Variants in ADAMTS17 observed in about 807,000 individuals in gnomAD.
ADAMTS17 encodes the protein A disintegrin and metalloproteinase with thrombospondin motifs 17.
ADAMTS17 carries 113 observed loss-of-function variants against 141.5 expected under a neutral mutation model. The observed-to-expected ratio is 0.80, with a 90% confidence interval of 0.69 to 0.93. ADAMTS17 has a LOEUF of 0.93. Ranked by LOEUF, ADAMTS17 falls within the 40% of genes least tolerant of loss-of-function variation. The pLI, the probability that ADAMTS17 is intolerant of heterozygous loss-of-function variation, is 0.00. For synonymous variants in ADAMTS17, 768 were observed against 630.6 expected (o/e 1.22, Z -3.27); for missense variants, 1,659 against 1,517.9 (o/e 1.09, Z -1.54).
intron 12 of ADAMTS17, among the ~76,000 whole-genome samples, chr15:100,120,834 G>C (rs553161154): frequency 6.6e-6 from 1 of 152,334 alleles, no homozygotes; most frequent in Non-Finnish European, 1.5e-5. Context: ...CAAAGAAACA[G>C]AAAGTATGGT....
chr15:100,287,499 T>C (rs900652758), intron 3 of ADAMTS17, among the ~76,000 whole-genome samples: 1 of 152,080 alleles, frequency 6.6e-6, no homozygotes, highest in African/African-American at 2.4e-5. Context: ...CCAACCTCAC[T>C]AGAGAGGACA....
chr15:100,049,333 T>C (rs1322873166), intron 17 of ADAMTS17, among the ~76,000 whole-genome samples: 1 of 152,206 alleles, frequency 6.6e-6, no homozygotes, highest in Non-Finnish European at 1.5e-5. Context: ...TTGTTTGATG[T>C]TTAAAGTCTA....
At chr15:100,033,901 C>T (rs2030441344) in intron 18 of ADAMTS17, among the ~76,000 whole-genome samples, 1 of 152,222 alleles carries the variant, frequency 6.6e-6, no homozygotes, top group African/African-American at 2.4e-5. Flanking sequence ...CCACGATCAC[C>T]TCCTTCCATT....
At chr15:100,169,113 G>A (rs1417321915) in intron 8 of ADAMTS17, among the ~76,000 whole-genome samples, 2 of 152,190 alleles carry the variant, frequency 1.3e-5, no homozygotes, top group Non-Finnish European at 2.9e-5. Context: ...GTCTGTGAAG[G>A]TTGCTACTCA....
At chr15:100,166,717 T>C (rs547761276) in intron 8 of ADAMTS17, among the ~76,000 whole-genome samples, 46 of 152,346 alleles carry the variant, frequency 3.0e-4, no homozygotes, top group African/African-American at 1.1e-3. Flanking sequence ...ATGAGGGGCA[T>C]GAACCAGGTG....
intron 7 of ADAMTS17, among the ~76,000 whole-genome samples, chr15:100,220,521 T>C (rs1022287275): frequency 1.3e-5 from 2 of 152,240 alleles, no homozygotes; most frequent in African/African-American, 4.8e-5. Context: ...TATTAGGATA[T>C]AATTCACACA....
At chr15:100,099,209 C>G (rs2035948240) in intron 14 of ADAMTS17, among the ~76,000 whole-genome samples, 1 of 152,170 alleles carries the variant, frequency 6.6e-6, no homozygotes, top group Non-Finnish European at 1.5e-5. Flanking sequence ...GTTCTGCCCA[C>G]TCTACTTGGT....
chr15:100,260,404 A>G (rs2043475226), intron 6 of ADAMTS17, among the ~76,000 whole-genome samples: 2 of 152,082 alleles, frequency 1.3e-5, no homozygotes, highest in Admixed American at 6.5e-5. Context: ...ACCTGAGGTC[A>G]GGGGTTCCAG....
chr15:100,200,544 C>G (rs2041288957), intron 7 of ADAMTS17, among the ~76,000 whole-genome samples: 1 of 152,182 alleles, frequency 6.6e-6, no homozygotes, highest in East Asian at 1.9e-4. Context: ...GACATCCGCC[C>G]TCCCGTGGGC....
At chr15:100,201,653 T>G (rs1192137315) in intron 7 of ADAMTS17, among the ~76,000 whole-genome samples, 1 of 152,202 alleles carries the variant, frequency 6.6e-6, no homozygotes, top group Non-Finnish European at 1.5e-5. Context: ...TTTGGAAACA[T>G]GCAATGTGCT....
intron 13 of ADAMTS17, among the ~76,000 whole-genome samples, chr15:100,109,539 A>G (rs1389569908): frequency 6.6e-6 from 1 of 152,114 alleles, no homozygotes; most frequent in Non-Finnish European, 1.5e-5. Flanking sequence ...CAGCGGCCCC[A>G]AGGGTCACCA....
At chr15:100,333,207 C>T (rs867085010) in intron 2 of ADAMTS17, among the ~76,000 whole-genome samples, 38 of 152,152 alleles carry the variant, frequency 2.5e-4, no homozygotes, top group African/African-American at 9.2e-4. Flanking sequence ...GACCTTTTCA[C>T]GACCTAACGG....
intron 3 of ADAMTS17, among the ~76,000 whole-genome samples, chr15:100,285,586 T>C (rs931360292): frequency 4.6e-5 from 7 of 152,242 alleles, no homozygotes; most frequent in African/African-American, 1.7e-4. Flanking sequence ...TCTCAAATTC[T>C]ACCAACGCCA....
intron 8 of ADAMTS17, among the ~76,000 whole-genome samples, chr15:100,173,817 A>G (rs1330717137): frequency 6.6e-6 from 1 of 152,166 alleles, no homozygotes; most frequent in African/African-American, 2.4e-5. Context: ...GGCCCACCTC[A>G]GACCAAGTAA....
chr15:100,242,976 T>C (rs1338633823), intron 7 of ADAMTS17, among the ~76,000 whole-genome samples: 2 of 152,186 alleles, frequency 1.3e-5, no homozygotes, highest in African/African-American at 4.8e-5. Flanking sequence ...TAAACACAAA[T>C]TCCCCATGAC....
At chr15:100,098,529 G>T (rs1032240745) in intron 14 of ADAMTS17, among the ~76,000 whole-genome samples, 1 of 151,952 alleles carries the variant, frequency 6.6e-6, no homozygotes. Context: ...CACCTATGGT[G>T]ACACGCACCT....
In ADAMTS17 at chr15:100,341,187, C is replaced by G; in HGVS notation, c.302G>C (p.Arg101Pro). The G allele has an allele frequency of 3.4e-6, 5 of 1,464,068 alleles. No homozygotes were observed. The highest frequency in any genetic ancestry group is 4.5e-6 in the Non-Finnish European group (5 of 1,111,898). 90.7% of individuals were successfully genotyped at this position (1,464,068 alleles called of 1,614,324 possible). Residue 101 changes from arginine to proline, a missense_variant, in exon 2 of 22, where the codon CGC becomes CCC. Arg to Pro is a moderately radical substitution (Grantham distance 103). Coordinates refer to ENST00000268070, the MANE Select transcript of ADAMTS17 (RefSeq NM_139057.4). ...CACCTCGAAGCCTCGGGACAGGAAG[C>G]GCAGGTCGCGGCGCAGCTGAAGGTA... ...DLYLQLRRDLRFLSRGFEVEE... is the reference protein window; with the variant it reads ...DLYLQLRRDLPFLSRGFEVEE...
intron 8 of ADAMTS17, among the ~76,000 whole-genome samples, chr15:100,165,551 A>G (rs982362234): frequency 1.6e-4 from 24 of 152,212 alleles, no homozygotes; most frequent in Non-Finnish European, 2.8e-4. Flanking sequence ...ATGCATCTAG[A>G]GCCAATGCAG....
intron 3 of ADAMTS17, 89 bp downstream of exon 3, chr15:100,330,796 TCTCA>T: frequency 2.0e-6 from 3 of 1,514,768 alleles, no homozygotes; most frequent in Non-Finnish European, 2.7e-6. Flanking sequence ...GAAGGTAAGT[TCTCA>T]CTCATGTGGC....
Sources: allele counts gnomAD v4.1 joint callset (sites outside exome capture counted in the v4.1 genomes callset), GRCh38; gene constraint gnomAD v4.1.1; transcripts MANE v1.5; gene names NCBI Gene and HGNC (gene_info 2026-07-23, HGNC 2026-07-21).